CSMD3: variants seen among roughly 807,000 people sequenced by gnomAD.
CSMD3 encodes the protein CUB and sushi domain-containing protein 3.
CSMD3 carries 177 observed loss-of-function variants against 435.2 expected under a neutral mutation model. The observed-to-expected ratio is 0.41, with a 90% CI of 0.36 to 0.46. CSMD3 has a LOEUF of 0.46. CSMD3 is among the 20% of genes least tolerant of loss of function. The probability of loss-of-function intolerance (pLI) is 0.34; values close to 1 mark genes in which losing one functional copy is unlikely to be tolerated. For synonymous variants in CSMD3, 1,656 were observed against 1,520.5 expected, an observed-to-expected ratio of 1.09 and a Z score of -2.07; for missense variants, 4,265 against 4,504.6, an observed-to-expected ratio of 0.95 and a Z score of 1.52.
Position 112,494,494 on chromosome 8 carries a change from C to CTTTTCTTTCTTTCTTTCTTTCTTTCTTT in CSMD3, c.5084-1812_5084-1811insAAAGAAAGAAAGAAAGAAAGAAAGAAAA, listed in dbSNP as rs377610586. ...TTTCTTTTCTTTTGTTTCTTTCTCT[C>CTTTTCTTTCTTTCTTTCTTTCTTTCTTT]CTTTCTTTCTTTCTTTCTTTCTTTC... On this transcript the variant is annotated intron_variant, in intron 30 of 70. Transcript: ENST00000297405. Among the ~76,000 whole-genome samples, 2 of 40,174 alleles carry CTTTTCTTTCTTTCTTTCTTTCTTTCTTT rather than the reference C, an allele frequency of 5.0e-5. 1 individual carries two copies. The highest frequency in any genetic ancestry group is 1.2e-4 in the Non-Finnish European group (2 of 17,058). 26.4% of individuals were successfully genotyped at this position (40,174 alleles called of 152,430 possible). A position where few individuals can be genotyped will look rare whatever the true frequency, so the allele number is the denominator to read the frequency against.
At chr8:112,740,174 T>G (rs1481462588) in intron 13 of CSMD3, among the ~76,000 whole-genome samples, 1 of 151,778 alleles carries the variant, frequency 6.6e-6, no homozygotes, top group Admixed American at 6.6e-5. Flanking sequence ...GGCACATCAT[T>G]ATGACACAAA....
intron 2 of CSMD3, among the ~76,000 whole-genome samples, chr8:113,292,573 A>G (rs1352291289): frequency 6.6e-6 from 1 of 151,922 alleles, no homozygotes; most frequent in Non-Finnish European, 1.5e-5. Flanking sequence ...GGAACAAAAA[A>G]TAATAGACAA....
chr8:113,330,532 T>C (rs1020702921), intron 1 of CSMD3, among the ~76,000 whole-genome samples: 21 of 151,844 alleles, frequency 1.4e-4, no homozygotes, highest in African/African-American at 4.8e-4. Flanking sequence ...TGGATGAAAA[T>C]TATTATTCAA....
At chr8:112,664,878 A>C (rs2075481304) in intron 17 of CSMD3, among the ~76,000 whole-genome samples, 1 of 152,240 alleles carries the variant, frequency 6.6e-6, no homozygotes, top group East Asian at 1.9e-4. Flanking sequence ...TGAGAAAATT[A>C]GTTTTTGTTT....
At chr8:112,951,811 G>A (rs2083823160) in intron 8 of CSMD3, among the ~76,000 whole-genome samples, 1 of 151,474 alleles carries the variant, frequency 6.6e-6, no homozygotes, top group South Asian at 2.1e-4. Flanking sequence ...ATTTATGGCA[G>A]GCTCACAGTT....
chr8:113,409,327 C>A (rs191293392), intron 1 of CSMD3, among the ~76,000 whole-genome samples: 4,966 of 147,798 alleles, frequency 0.034, 100 homozygotes, highest in Middle Eastern at 0.048. Flanking sequence ...TCGTGAAGCA[C>A]CCCTCTCGGC....
intron 52 of CSMD3, among the ~76,000 whole-genome samples, chr8:112,303,107 T>G (rs2130766980): frequency 6.6e-6 from 1 of 152,238 alleles, no homozygotes; most frequent in African/African-American, 2.4e-5. Context: ...TGAGTGTTTC[T>G]GTTGTAGATA....
intron 22 of CSMD3, among the ~76,000 whole-genome samples, chr8:112,621,374 T>A (rs1043342701): frequency 7.2e-5 from 11 of 152,262 alleles, no homozygotes; most frequent in African/African-American, 2.6e-4. Context: ...AATAAAAAGT[T>A]AAAGGTAAAA....
chr8:113,259,425 C>A (rs993707987), intron 3 of CSMD3, among the ~76,000 whole-genome samples: 2 of 152,006 alleles, frequency 1.3e-5, no homozygotes, highest in Non-Finnish European at 2.9e-5. Flanking sequence ...ACAGCCAATC[C>A]CTTCAGAAGC....
intron 59 of CSMD3, among the ~76,000 whole-genome samples, chr8:112,275,655 C>T (rs1817976532): frequency 6.6e-6 from 1 of 152,096 alleles, no homozygotes; most frequent in African/African-American, 2.4e-5. Context: ...TACATGGTGG[C>T]AGGCAAGAAA....
intron 32 of CSMD3, among the ~76,000 whole-genome samples, chr8:112,436,657 T>A (rs1814388119): frequency 6.6e-6 from 1 of 151,948 alleles, no homozygotes; most frequent in African/African-American, 2.4e-5. Context: ...CACAAATACA[T>A]ATACAAAGAT....
At chr8:112,630,582 C>T (rs1406545441) in intron 22 of CSMD3, among the ~76,000 whole-genome samples, 1 of 151,980 alleles carries the variant, frequency 6.6e-6, no homozygotes, top group Non-Finnish European at 1.5e-5. Flanking sequence ...CCAATGAGAG[C>T]TGGGCTAGGA....
At chr8:113,096,087 A>C (rs1220249099) in intron 5 of CSMD3, among the ~76,000 whole-genome samples, 1 of 152,130 alleles carries the variant, frequency 6.6e-6, no homozygotes, top group African/African-American at 2.4e-5. Flanking sequence ...AGGAATAATT[A>C]CTTCCACTTT....
chr8:112,830,786 A>AT (rs548208858), intron 11 of CSMD3, among the ~76,000 whole-genome samples: 3,008 of 138,340 alleles, frequency 0.022, 104 homozygotes, highest in African/African-American at 0.066. Context: ...TATAATAACA[A>AT]TTTTTTTTTT....
chr8:113,004,500 G>T (rs961153471), intron 6 of CSMD3, among the ~76,000 whole-genome samples: 1 of 151,910 alleles, frequency 6.6e-6, no homozygotes. Flanking sequence ...TTAAAATGTT[G>T]TATCCTTTAT....
intron 4 of CSMD3, among the ~76,000 whole-genome samples, chr8:113,141,603 T>G (rs1280042079): frequency 6.6e-6 from 1 of 150,974 alleles, no homozygotes; most frequent in Non-Finnish European, 1.5e-5. Flanking sequence ...TAATATCAGT[T>G]AATGCAAGGA....
At chr8:112,846,756 T>A (rs2080333726) in intron 11 of CSMD3, among the ~76,000 whole-genome samples, 1 of 151,954 alleles carries the variant, frequency 6.6e-6, no homozygotes, top group Non-Finnish European at 1.5e-5. Flanking sequence ...GATATTTAAT[T>A]TTATTGTACT....
intron 6 of CSMD3, among the ~76,000 whole-genome samples, chr8:112,983,573 T>C (rs1454077094): frequency 2.0e-5 from 3 of 150,320 alleles, no homozygotes; most frequent in African/African-American, 4.9e-5. Context: ...ACTAGATTAA[T>C]TGTTTAACTA....
At chr8:112,988,402 A>G (rs1055214646) in intron 6 of CSMD3, among the ~76,000 whole-genome samples, 1 of 152,082 alleles carries the variant, frequency 6.6e-6, no homozygotes, top group Non-Finnish European at 1.5e-5. Context: ...GCTTGTTTAA[A>G]TAATTTAGTT....
Sources: allele counts gnomAD v4.1 joint callset (sites outside exome capture counted in the v4.1 genomes callset), GRCh38; gene constraint gnomAD v4.1.1; transcripts MANE v1.5; gene names NCBI Gene and HGNC (gene_info 2026-07-23, HGNC 2026-07-21).